ZDHHC14: variants seen among roughly 807,000 people sequenced by gnomAD.
The protein encoded by ZDHHC14 is zDHHC palmitoyltransferase 14.
Under a neutral mutation model 47.7 loss-of-function variants are expected in ZDHHC14, and 16 were observed. The observed-to-expected ratio is 0.34, with a 90% CI of 0.23 to 0.51. ZDHHC14 has a LOEUF of 0.51. Ranked by LOEUF, ZDHHC14 falls within the 20% of genes least tolerant of loss-of-function variation. The pLI is 0.97. For synonymous variants in ZDHHC14, 293 were observed against 278.9 expected (o/e 1.05, Z -0.50); for missense variants, 515 against 662.5 (o/e 0.78, Z 2.44).
At chr6:157,451,909 G>A (rs1778812255) in intron 1 of ZDHHC14, among the ~76,000 whole-genome samples, 1 of 152,196 alleles carries the variant, frequency 6.6e-6, no homozygotes. Context: ...GGGGAAGCAA[G>A]AAAGCAGGCC....
intron 1 of ZDHHC14, among the ~76,000 whole-genome samples, chr6:157,467,444 G>A (rs137960698): frequency 1.3e-5 from 2 of 152,114 alleles, no homozygotes; most frequent in African/African-American, 4.8e-5. Context: ...TTTGTGCCTG[G>A]CTTCTCTCAC....
chr6:157,554,348 A>T (rs1782367668), intron 2 of ZDHHC14, among the ~76,000 whole-genome samples: 1 of 152,246 alleles, frequency 6.6e-6, no homozygotes, highest in Non-Finnish European at 1.5e-5. Flanking sequence ...AATGTAAGGC[A>T]GGCCGTAGGC....
intron 1 of ZDHHC14, among the ~76,000 whole-genome samples, chr6:157,486,241 C>G (rs1779775855): frequency 6.6e-6 from 1 of 152,090 alleles, no homozygotes; most frequent in Non-Finnish European, 1.5e-5. Flanking sequence ...GCTGGTATAT[C>G]CAATCGCGTC....
intron 1 of ZDHHC14, among the ~76,000 whole-genome samples, chr6:157,540,910 G>GTGTGTGTGTGTGTGTGTGTGTATA (rs1284429244): frequency 1.6e-5 from 2 of 122,990 alleles, no homozygotes; most frequent in African/African-American, 8.7e-5. Flanking sequence ...GTGTGTGTGT[G>GTGTGTGTGTGTGTGTGTGTGTATA]TATATATATA....
At chr6:157,484,403 T>C (rs927027176) in intron 1 of ZDHHC14, among the ~76,000 whole-genome samples, 8 of 145,498 alleles carry the variant, frequency 5.5e-5, no homozygotes, top group African/African-American at 1.8e-4. Flanking sequence ...TATATACATA[T>C]ATATGTATAC....
chr6:157,516,837 C>T (rs1780710593), intron 1 of ZDHHC14, among the ~76,000 whole-genome samples: 1 of 152,216 alleles, frequency 6.6e-6, no homozygotes, highest in Non-Finnish European at 1.5e-5. Context: ...AAAACCACAC[C>T]AGGTGCAACT....
At chr6:157,642,396 A>T (rs1777298840) in intron 5 of ZDHHC14, among the ~76,000 whole-genome samples, 1 of 152,228 alleles carries the variant, frequency 6.6e-6, no homozygotes, top group Non-Finnish European at 1.5e-5. Flanking sequence ...ATAGAAGGAC[A>T]CAGAGCCTGC....
intron 2 of ZDHHC14, among the ~76,000 whole-genome samples, chr6:157,569,637 T>C (rs1487272222): frequency 6.6e-6 from 1 of 152,144 alleles, no homozygotes; most frequent in African/African-American, 2.4e-5. Flanking sequence ...AGCATTGTAA[T>C]AGATGTATAA....
intron 1 of ZDHHC14, among the ~76,000 whole-genome samples, chr6:157,434,231 T>C (rs1389606921): frequency 6.6e-6 from 1 of 150,400 alleles, no homozygotes; most frequent in East Asian, 1.9e-4. Flanking sequence ...TATATATATA[T>C]ATATAATTCT....
intron 5 of ZDHHC14, among the ~76,000 whole-genome samples, chr6:157,633,522 T>A (rs570861087): frequency 6.6e-6 from 1 of 152,270 alleles, no homozygotes; most frequent in Admixed American, 6.5e-5. Flanking sequence ...GTCCTATCCC[T>A]CCCAGGGGCC....
chr6:157,388,883 C>T lies in ZDHHC14; in HGVS notation c.245+6617C>T, dbSNP rs147128354. Among the ~76,000 whole-genome samples the T allele has an allele frequency of 6.8e-3, 1,040 of 152,308 alleles. 14 individuals carry two copies. Among genetic ancestry groups the T allele is most frequent in the African/African-American group, 0.024 (984 of 41,570 alleles). The stretch of plus-strand genomic sequence containing the variant: ...TCGGTCCTCTCTCTTGGCCCAGTCT[C>T]ATCTTCCTGCCCATCCCTGAGGTCG... On this transcript the variant is annotated intron_variant, in intron 1 of 8. Coordinates refer to ENST00000359775, the MANE Select transcript of ZDHHC14 (RefSeq NM_024630.3).
At chr6:157,417,818 G>C (rs1778013279) in intron 1 of ZDHHC14, among the ~76,000 whole-genome samples, 1 of 152,136 alleles carries the variant, frequency 6.6e-6, no homozygotes, top group Non-Finnish European at 1.5e-5. Context: ...GCCGGGCGTG[G>C]TTGCGGGTGC....
chr6:157,604,552 CTTT>C (rs10533378), intron 3 of ZDHHC14, among the ~76,000 whole-genome samples: 46,542 of 148,096 alleles, frequency 0.31, 7,896 homozygotes, highest in East Asian at 0.56. Context: ...ATTTGTTACT[CTTT>C]TTTTTTTTTT....
intron 2 of ZDHHC14, among the ~76,000 whole-genome samples, chr6:157,543,585 C>A (rs1463160842): frequency 6.6e-6 from 1 of 152,242 alleles, no homozygotes; most frequent in African/African-American, 2.4e-5. Flanking sequence ...GCTGGAGGGA[C>A]CTCCCTGTCT....
intron 1 of ZDHHC14, among the ~76,000 whole-genome samples, chr6:157,430,134 G>C (rs967606966): frequency 9.2e-5 from 14 of 152,014 alleles, no homozygotes; most frequent in African/African-American, 3.4e-4. Context: ...GGCCAACATG[G>C]TGAAACCCCG....
rs138898824 is a variant in ZDHHC14, at chr6:157,523,213, C to G, written c.246-19372C>G. Among the ~76,000 whole-genome samples the G allele has an allele frequency of 2.6e-5, 4 of 151,776 alleles. No individual in the cohort carries two copies. In the East Asian group the frequency reaches 7.8e-4, roughly 29 times the overall value. On this transcript the variant is annotated intron_variant, in intron 1 of 8. Transcript: ENST00000359775. ...TGATTATTAGTGAAGTTAATGGGCACTTAAATTTTTTCTTCTGTTAAGGTC... is the reference window on the plus strand; with the variant it reads ...TGATTATTAGTGAAGTTAATGGGCAGTTAAATTTTTTCTTCTGTTAAGGTC...
chr6:157,480,106 T>G (rs1779586499), intron 1 of ZDHHC14, among the ~76,000 whole-genome samples: 1 of 152,182 alleles, frequency 6.6e-6, no homozygotes, highest in South Asian at 2.1e-4. Context: ...GTGGACATGT[T>G]GGGCTCAGCG....
intron 1 of ZDHHC14, among the ~76,000 whole-genome samples, chr6:157,403,333 A>G: frequency 6.6e-6 from 1 of 152,224 alleles, no homozygotes; most frequent in Non-Finnish European, 1.5e-5. Flanking sequence ...ATGAAAGCAT[A>G]TATTTTGTGA....
chr6:157,622,747 T>C (rs732475), intron 3 of ZDHHC14, among the ~76,000 whole-genome samples: 55,065 of 151,850 alleles, frequency 0.36, 10,932 homozygotes, highest in East Asian at 0.86. Context: ...AACCCTGTTT[T>C]GTCTTGTGCT....
Sources: gnomAD v4.1 joint callset for allele counts (sites outside exome capture counted in the v4.1 genomes callset) on GRCh38, gnomAD v4.1.1 for gene constraint, MANE v1.5 for transcripts, NCBI Gene and HGNC (gene_info 2026-07-23, HGNC 2026-07-21) for gene names.